The following RMND5A variants were observed in gnomAD, a reference collection of about 807,000 sequenced individuals.
The protein encoded by RMND5A is E3 ubiquitin-protein transferase RMND5A.
RMND5A carries 17 observed loss-of-function variants against 49.7 expected under a neutral mutation model. The ratio of observed to expected loss-of-function variants is 0.34; its 90% CI spans 0.23 to 0.51. RMND5A has a LOEUF of 0.51. Among genes scored for constraint, RMND5A ranks in the 20% least tolerant of loss-of-function variants. The probability of loss-of-function intolerance (pLI) is 0.96; values close to 1 mark genes in which losing one functional copy is unlikely to be tolerated. For synonymous variants in RMND5A, 156 were observed against 167.7 expected (o/e 0.93, Z 0.54); for missense variants, 255 against 471.3 (o/e 0.54, Z 4.25).
At chr2:86,760,965 A>AGT (rs35942120) in intron 4 of RMND5A, among the ~76,000 whole-genome samples, 23,504 of 145,260 alleles carry the variant, frequency 0.16, 1,910 homozygotes, top group African/African-American at 0.21. Context: ...GAGAGAGAGA[A>AGT]GTGTGTGTGT....
chr2:86,743,128 C>T (rs941539713), intron 2 of RMND5A, among the ~76,000 whole-genome samples: 3 of 152,116 alleles, frequency 2.0e-5, no homozygotes, highest in African/African-American at 7.2e-5. Flanking sequence ...TACTCCAGAC[C>T]TAGCAGGTCT....
chr2:86,769,973 G>A (rs748441462), intron 6 of RMND5A, 50 bp from the exon 7 acceptor site: 1 of 1,352,600 alleles, frequency 7.4e-7, no homozygotes, highest in South Asian at 1.2e-5. Flanking sequence ...CTTGGACCAA[G>A]CGGCCTGACC....
At chr2:86,769,032 A>C (rs535109517) in intron 6 of RMND5A, among the ~76,000 whole-genome samples, 88 of 152,156 alleles carry the variant, frequency 5.8e-4, no homozygotes, top group Admixed American at 3.1e-3. Context: ...TGCAGCCTCA[A>C]CCTCCTGGCA....
At chr2:86,721,902 A>G (rs1681233505) in intron 1 of RMND5A, among the ~76,000 whole-genome samples, 1 of 131,834 alleles carries the variant, frequency 7.6e-6, no homozygotes, top group South Asian at 2.6e-4. Flanking sequence ...ACACTTTCCC[A>G]GACTGCGTTT....
intron 2 of RMND5A, among the ~76,000 whole-genome samples, chr2:86,749,199 G>C (rs1212165953): frequency 1.3e-5 from 2 of 152,088 alleles, no homozygotes; most frequent in Non-Finnish European, 2.9e-5. Flanking sequence ...ACAGCATAAA[G>C]ATAAAATAAT....
chr2:86,776,265 T>C lies in RMND5A; in HGVS notation c.*2854T>C, dbSNP rs1672766962. 6.6e-6 allele frequency: 1 copy of C among 152,220 alleles called. No individual in the cohort carries two copies. Among genetic ancestry groups the C allele is most frequent in the South Asian group, 2.1e-4 (1 of 4,830 alleles). The allele number at this position is 152,220 out of a possible 1,614,324, so 9.4% of individuals were successfully genotyped here. ...ACAGATGCTATTTCTGTTTTATTGG[T>C]GATTATACGAGACTTCTAATACATA... On this transcript the variant is annotated 3_prime_UTR_variant, in exon 9 of 9. Coordinates refer to ENST00000283632, the MANE Select transcript of RMND5A (RefSeq NM_022780.4).
chr2:86,747,845 T>G (rs1033842523), intron 2 of RMND5A, among the ~76,000 whole-genome samples: 3 of 152,176 alleles, frequency 2.0e-5, no homozygotes, highest in Non-Finnish European at 4.4e-5. Context: ...TTCATAATGA[T>G]GTTGTATCAA....
chr2:86,750,531 A>AT (rs1681616356), intron 2 of RMND5A, among the ~76,000 whole-genome samples: 2 of 151,992 alleles, frequency 1.3e-5, no homozygotes, highest in Non-Finnish European at 2.9e-5. Context: ...TGCCTGCAAG[A>AT]TTTTTTGCTT....
intron 4 of RMND5A, among the ~76,000 whole-genome samples, chr2:86,763,413 G>T (rs1443189535): frequency 6.6e-6 from 1 of 152,134 alleles, no homozygotes; most frequent in Admixed American, 6.5e-5. Context: ...GCAGACTAGA[G>T]ACTGCAAAAA....
At chr2:86,768,921 A>G (rs1458468669) in intron 6 of RMND5A, among the ~76,000 whole-genome samples, 1 of 152,212 alleles carries the variant, frequency 6.6e-6, no homozygotes, top group Non-Finnish European at 1.5e-5. Flanking sequence ...CTTTTTTGGC[A>G]CTAATGTAAG....
intron 3 of RMND5A, among the ~76,000 whole-genome samples, chr2:86,752,549 T>C (rs1681654454): frequency 6.6e-6 from 1 of 152,334 alleles, no homozygotes; most frequent in African/African-American, 2.4e-5. Context: ...GTAGCTGCCA[T>C]ATATTGAGTG....
At chr2:86,757,785 T>C (rs954666119) in intron 4 of RMND5A, among the ~76,000 whole-genome samples, 3 of 152,238 alleles carry the variant, frequency 2.0e-5, no homozygotes, top group African/African-American at 4.8e-5. Context: ...GGTGTCCTTA[T>C]TTTGTTTTGT....
intron 2 of RMND5A, among the ~76,000 whole-genome samples, chr2:86,748,820 G>T (rs553492593): frequency 6.6e-6 from 1 of 152,242 alleles, no homozygotes; most frequent in African/African-American, 2.4e-5. Context: ...GTCTTCCAGC[G>T]TTGTTTTATT....
rs529218471 is a variant in RMND5A at position 86,755,434 on chromosome 2, A to G, written c.521+1876A>G. Among the ~76,000 whole-genome samples the G allele has an allele frequency of 2.0e-5, 3 of 152,370 alleles. No homozygotes were observed. The East Asian group carries it at 5.8e-4, about 29-fold the overall frequency. On this transcript the variant is annotated intron_variant, in intron 4 of 8. Transcript: ENST00000283632. ...AATGTGCCCGAGAAAGCCTACATAC[A>G]TATATGAACATGTAATGGGTTTCCC...
chr2:86,756,059 C>A (rs1279073238), intron 4 of RMND5A, among the ~76,000 whole-genome samples: 1 of 152,058 alleles, frequency 6.6e-6, no homozygotes, highest in Non-Finnish European at 1.5e-5. Context: ...ACATAATAGT[C>A]CCCCAGTATT....
chr2:86,774,073 TC>T lies in RMND5A; in HGVS notation c.*664del, dbSNP rs1415936897. ...TTTAACTGGCTGGTGTGAGAAGTCTTCCGTTAGCATAGAGTGGAAGGAGTAC... is the reference window on the plus strand; with the variant it reads ...TTTAACTGGCTGGTGTGAGAAGTCTTCGTTAGCATAGAGTGGAAGGAGTAC... On this transcript the variant is annotated 3_prime_UTR_variant, in exon 9 of 9. Coordinates refer to ENST00000283632, the MANE Select transcript of RMND5A (RefSeq NM_022780.4). 1 of 152,678 alleles carries T rather than the reference TC, an allele frequency of 6.5e-6. No individual in the cohort carries two copies. The highest frequency in any genetic ancestry group is 1.5e-5 in the Non-Finnish European group (1 of 68,044). 9.5% of individuals were successfully genotyped at this position (152,678 alleles called of 1,614,324 possible).
Position 86,720,552 on chromosome 2 carries a change from C to G in RMND5A, c.-116C>G, listed in dbSNP as rs1461675515. 1.1e-6 allele frequency: 1 copy of G among 911,318 alleles called. No homozygotes were observed. Among genetic ancestry groups the G allele is most frequent in the African/African-American group, 1.8e-5 (1 of 54,234 alleles). The allele number at this position is 911,318 out of a possible 1,614,324, so 56.5% of individuals were successfully genotyped here. A position where few individuals can be genotyped will look rare whatever the true frequency, so the allele number is the denominator to read the frequency against. On this transcript the variant is annotated 5_prime_UTR_variant, in exon 1 of 9. Coordinates refer to ENST00000283632, the MANE Select transcript of RMND5A (RefSeq NM_022780.4). ...AGTGCGCCCGCCGCCTCGGCCGCCT[C>G]AGCCTCCCGCGCCGCCCGCTTGGGG...
chr2:86,764,028 G>A (rs1234544676), intron 4 of RMND5A, among the ~76,000 whole-genome samples: 2 of 152,170 alleles, frequency 1.3e-5, no homozygotes, highest in Non-Finnish European at 2.9e-5. Flanking sequence ...CCCTTTCTGG[G>A]AAGGTTAGGA....
intron 4 of RMND5A, among the ~76,000 whole-genome samples, chr2:86,757,005 CT>C (rs1558724029): frequency 6.6e-6 from 1 of 151,992 alleles, no homozygotes; most frequent in Non-Finnish European, 1.5e-5. Context: ...GAAACCCCAT[CT>C]CTATTAAAAA....
Sources: gnomAD v4.1 joint callset for allele counts (sites outside exome capture counted in the v4.1 genomes callset) on GRCh38, gnomAD v4.1.1 for gene constraint, MANE v1.5 for transcripts, NCBI Gene and HGNC (gene_info 2026-07-23, HGNC 2026-07-21) for gene names.